Variants in HFM1 observed in about 807,000 individuals in gnomAD.
The protein encoded by HFM1 is probable ATP-dependent DNA helicase HFM1.
In HFM1, 169 loss-of-function variants were observed where a neutral mutation model predicts 192.1. The observed-to-expected ratio is 0.88, with a 90% CI of 0.78 to 1.00. HFM1 has a LOEUF of 1.00. Among genes scored for constraint, HFM1 ranks in the 50% least tolerant of loss-of-function variants. HFM1 has a pLI of 0.00. For missense variants in HFM1, 1,661 were observed against 1,668.0 expected, an observed-to-expected ratio of 1.00 and a Z score of 0.07; for synonymous variants, 525 against 537.8, an observed-to-expected ratio of 0.98 and a Z score of 0.33.
chr1:91,363,828 A>G (rs1658865095), intron 13 of HFM1, among the ~76,000 whole-genome samples: 1 of 152,226 alleles, frequency 6.6e-6, no homozygotes, highest in Admixed American at 6.5e-5. Context: ...AATGTGGCAC[A>G]TATATACTCT....
At chr1:91,394,490 A>C in intron 3 of HFM1, 88 bp from the exon 4 acceptor site, 1 of 805,054 alleles carries the variant, frequency 1.2e-6, no homozygotes, top group Admixed American at 2.9e-5. Context: ...TAAAAATTCC[A>C]AGTTAAGTAT....
intron 13 of HFM1, among the ~76,000 whole-genome samples, chr1:91,365,730 G>T (rs963144695): frequency 2.6e-5 from 4 of 151,962 alleles, no homozygotes; most frequent in Non-Finnish European, 5.9e-5. Context: ...TGAAGATAAG[G>T]CAAGAGGAAA....
chr1:91,352,708 C>G, intron 15 of HFM1, 57 bp from the exon 16 acceptor site: 1 of 1,300,854 alleles, frequency 7.7e-7, no homozygotes, highest in East Asian at 2.6e-5. Context: ...GCTTCAGGAA[C>G]ATTTTTTAAT....
At chr1:91,350,512 A>G (rs1367249839) in intron 18 of HFM1, among the ~76,000 whole-genome samples, 1 of 152,096 alleles carries the variant, frequency 6.6e-6, no homozygotes, top group Admixed American at 6.6e-5. Flanking sequence ...TACTAGATCT[A>G]TTTTTAATGG....
intron 20 of HFM1, chr1:91,329,031 A>G (rs1653378198): frequency 6.2e-7 from 1 of 1,611,552 alleles, no homozygotes; most frequent in Non-Finnish European, 8.5e-7. Context: ...CAGGAGCTAG[A>G]ACCAGGAACA....
intron 19 of HFM1, among the ~76,000 whole-genome samples, chr1:91,346,492 C>A (rs1656162494): frequency 6.6e-6 from 1 of 152,094 alleles, no homozygotes; most frequent in Non-Finnish European, 1.5e-5. Context: ...ATTCTTTAAG[C>A]AAGACAATTT....
intron 34 of HFM1, among the ~76,000 whole-genome samples, chr1:91,270,634 C>G (rs1468534355): frequency 6.7e-6 from 1 of 150,176 alleles, no homozygotes; most frequent in East Asian, 1.9e-4. Flanking sequence ...AAAGCCCATG[C>G]AGTCTAAGAA....
chr1:91,317,395 C>T (rs1345038393), intron 25 of HFM1, among the ~76,000 whole-genome samples: 2 of 152,120 alleles, frequency 1.3e-5, no homozygotes, highest in African/African-American at 4.8e-5. Context: ...GCCTGGGCAA[C>T]AAAGCAAAAC....
rs963339634 is a variant in HFM1, at chr1:91,354,208, C to T, written c.1686-909G>A. 2.4e-4 allele frequency among the ~76,000 whole-genome samples: 36 copies of T among 151,272 alleles called. 1 individual carries two copies. Among genetic ancestry groups the T allele is most frequent in the African/African-American group, 8.7e-4 (36 of 41,214 alleles). On this transcript the variant is annotated intron_variant, in intron 13 of 38. Transcript: ENST00000370425. ...AATGAATGAAATCAAAAATAGAGAGCTTCAACAGCAAACCAAAACAAGCAG... is the reference window on the plus strand; with the variant it reads ...AATGAATGAAATCAAAAATAGAGAGTTTCAACAGCAAACCAAAACAAGCAG...
chr1:91,310,888 G>A (rs1650348033), intron 30 of HFM1, among the ~76,000 whole-genome samples: 1 of 152,166 alleles, frequency 6.6e-6, no homozygotes, highest in Non-Finnish European at 1.5e-5. Flanking sequence ...TATCAGCAGT[G>A]TGAAAACAGA....
chr1:91,343,786 A>C (rs1462974324), intron 19 of HFM1, among the ~76,000 whole-genome samples: 2 of 152,216 alleles, frequency 1.3e-5, no homozygotes, highest in Non-Finnish European at 2.9e-5. Context: ...AATGATACAC[A>C]TGTATTACCT....
At chr1:91,266,929 C>T (rs971620841) in intron 35 of HFM1, among the ~76,000 whole-genome samples, 1 of 152,038 alleles carries the variant, frequency 6.6e-6, no homozygotes, top group Non-Finnish European at 1.5e-5. Flanking sequence ...TCTAAGGGCC[C>T]CCAAAACAAT....
intron 20 of HFM1, among the ~76,000 whole-genome samples, chr1:91,338,556 C>T (rs1234355442): frequency 1.3e-5 from 2 of 152,202 alleles, no homozygotes; most frequent in Non-Finnish European, 2.9e-5. Context: ...TGCCGATGTG[C>T]ACCCACCAAC....
At chr1:91,398,070 T>G (rs1217763944) in intron 2 of HFM1, among the ~76,000 whole-genome samples, 1 of 152,210 alleles carries the variant, frequency 6.6e-6, no homozygotes, top group Non-Finnish European at 1.5e-5. Context: ...ATGGAAGGGA[T>G]CTTCCTGAAA....
At chr1:91,395,014 TTGATA>T (rs757038325) in intron 3 of HFM1, among the ~76,000 whole-genome samples, 9 of 150,996 alleles carry the variant, frequency 6.0e-5, no homozygotes, top group Non-Finnish European at 1.0e-4. Flanking sequence ...TATATATTAT[TTGATA>T]TAAGTATATA....
At chr1:91,311,488 T>G (rs927615265) in intron 30 of HFM1, among the ~76,000 whole-genome samples, 5 of 152,018 alleles carry the variant, frequency 3.3e-5, no homozygotes, top group African/African-American at 1.2e-4. Flanking sequence ...TAGCCGGGCA[T>G]GCTGGTGGGT....
chr1:91,326,088 T>A (rs750594266), intron 20 of HFM1, among the ~76,000 whole-genome samples: 10 of 151,740 alleles, frequency 6.6e-5, no homozygotes, highest in Non-Finnish European at 8.8e-5. Flanking sequence ...AAAATAATTT[T>A]AAAAAAATGA....
At chr1:91,334,627 CACTTAAGAGGTT>C (rs1654308589) in intron 20 of HFM1, among the ~76,000 whole-genome samples, 2 of 152,034 alleles carry the variant, frequency 1.3e-5, no homozygotes, top group South Asian at 4.2e-4. Flanking sequence ...AAATGGAATT[CACTTAAGAGGTT>C]ACTGGATTCG....
intron 30 of HFM1, among the ~76,000 whole-genome samples, chr1:91,277,402 T>C (rs1302482772): frequency 6.6e-6 from 1 of 150,676 alleles, no homozygotes; most frequent in East Asian, 1.9e-4. Context: ...AAACATATTT[T>C]TGATAAGTTA....
Sources: allele counts gnomAD v4.1 joint callset (sites outside exome capture counted in the v4.1 genomes callset), GRCh38; gene constraint gnomAD v4.1.1; transcripts MANE v1.5; gene names NCBI Gene and HGNC (gene_info 2026-07-23, HGNC 2026-07-21).